GDA: variants seen among roughly 807,000 people sequenced by gnomAD.
GDA encodes guanine deaminase.
Under a neutral mutation model 59.6 loss-of-function variants are expected in GDA, and 18 were observed. That is an observed-to-expected ratio of 0.30 (90% CI 0.21 to 0.45). The LOEUF (loss-of-function observed/expected upper bound fraction) is 0.45, where lower values mean the gene tolerates loss of function less well. GDA is among the 20% of genes least tolerant of loss of function. GDA has a pLI of 1.00. For synonymous variants in GDA, 201 were observed against 201.1 expected (o/e 1.00, Z 0.00); for missense variants, 427 against 552.3 (o/e 0.77, Z 2.27).
chr9:72,161,833 A>G (rs1289482623), intron 1 of GDA, among the ~76,000 whole-genome samples: 1 of 152,226 alleles, frequency 6.6e-6, no homozygotes, highest in African/African-American at 2.4e-5. Context: ...TTAGCATTCA[A>G]TGCATGCTTT....
chr9:72,141,675 G>A (rs562729798), intron 1 of GDA, among the ~76,000 whole-genome samples: 225 of 152,176 alleles, frequency 1.5e-3, no homozygotes, highest in Middle Eastern at 3.4e-3. Context: ...TCAGCACCTC[G>A]GCTAGCATGC....
intron 12 of GDA, among the ~76,000 whole-genome samples, chr9:72,247,059 C>A (rs2131848431): frequency 6.6e-6 from 1 of 152,230 alleles, no homozygotes; most frequent in South Asian, 2.1e-4. Flanking sequence ...CAAAATAAGG[C>A]AGGTTGGATG....
intron 6 of GDA, among the ~76,000 whole-genome samples, chr9:72,222,752 A>G (rs553653981): frequency 4.0e-5 from 6 of 151,682 alleles, no homozygotes; most frequent in African/African-American, 1.4e-4. Context: ...TGTTGTCTAG[A>G]CTGGAGTGCA....
intron 10 of GDA, among the ~76,000 whole-genome samples, chr9:72,235,606 A>C (rs1245102769): frequency 6.6e-6 from 1 of 152,106 alleles, no homozygotes; most frequent in Non-Finnish European, 1.5e-5. Context: ...CTGAGGCAGT[A>C]GAATTGCTTG....
At position 72,192,392 on chromosome 9, in the gene GDA, C is replaced by T. The variant is rs181994119; in HGVS notation, c.124-3108C>T. Among the ~76,000 whole-genome samples the T allele has an allele frequency of 9.3e-5, 14 of 150,954 alleles. 1 individual carries two copies. Among genetic ancestry groups the T allele is most frequent in the African/African-American group, 3.4e-4 (14 of 41,200 alleles). ...GATTACAGGTGCCCACCACCACGCC[C>T]AGCTAATTTTTGTAGTTTTAGTAGA... On this transcript the variant is annotated intron_variant, in intron 1 of 13. Transcript: ENST00000358399.
upstream of GDA, among the ~76,000 whole-genome samples, chr9:72,147,835 C>T (rs1300991518): frequency 6.6e-6 from 1 of 152,094 alleles, no homozygotes; most frequent in Admixed American, 6.6e-5. Context: ...GTGCAGTTGG[C>T]AGAATCAGGA....
chr9:72,155,847 G>A (rs753477230), intron 1 of GDA, among the ~76,000 whole-genome samples: 15 of 152,158 alleles, frequency 9.9e-5, no homozygotes, highest in African/African-American at 2.7e-4. Context: ...TATTACCTAT[G>A]TGAATTTGAT....
At chr9:72,168,050 C>G (rs1377065675) in intron 1 of GDA, among the ~76,000 whole-genome samples, 1 of 152,058 alleles carries the variant, frequency 6.6e-6, no homozygotes, top group African/African-American at 2.4e-5. Flanking sequence ...ATAGAATGTG[C>G]TCAGCATATA....
At chr9:72,127,636 CA>C (rs369132489) in intron 1 of GDA, among the ~76,000 whole-genome samples, 72,508 of 120,744 alleles carry the variant, frequency 0.6, 18,997 homozygotes, top group Middle Eastern at 0.67. Flanking sequence ...GACTCTGTCT[CA>C]AAAAAAAAAA....
downstream of GDA, among the ~76,000 whole-genome samples, chr9:72,255,519 C>T (rs560460439): frequency 2.2e-4 from 33 of 152,296 alleles, no homozygotes; most frequent in African/African-American, 7.9e-4. Flanking sequence ...TGCCTGTCTC[C>T]TACCTCAAAA....
chr9:72,230,623 A>C (rs959528304), intron 9 of GDA, among the ~76,000 whole-genome samples: 6 of 152,062 alleles, frequency 3.9e-5, no homozygotes, highest in Admixed American at 3.9e-4. Context: ...TTGAACAGTC[A>C]GGTCCTGACT....
Position 72,142,837 on chromosome 9 carries a change from T to C in GDA, c.-100+28004T>C, listed in dbSNP as rs993234882. Among the ~76,000 whole-genome samples, 103 of 145,206 alleles carry C rather than the reference T, an allele frequency of 7.1e-4. No individual in the cohort carries two copies. The Middle Eastern group carries it at 0.013, about 18-fold the overall frequency. ...AGGCTGGAGTGCAATGGCGCGATCT[T>C]GGCTCACTGCAACCTCTGCCTCCTG... On this transcript the variant is annotated intron_variant, in intron 1 of 13. Coordinates refer to the GDA transcript ENST00000545168.
At chr9:72,193,179 CT>C (rs1270520286) in intron 1 of GDA, among the ~76,000 whole-genome samples, 2 of 151,254 alleles carry the variant, frequency 1.3e-5, no homozygotes, top group Non-Finnish European at 2.9e-5. Flanking sequence ...CCTGGAATGT[CT>C]TGATACTTGT....
chr9:72,153,693 A>G (rs139277006), intron 1 of GDA, among the ~76,000 whole-genome samples: 5,442 of 151,408 alleles, frequency 0.036, 344 homozygotes, highest in African/African-American at 0.13. Flanking sequence ...ACATGGATGA[A>G]ATTGGAAACT....
chr9:72,124,538 AG>A (rs1375256681), intron 1 of GDA, among the ~76,000 whole-genome samples: 11 of 152,190 alleles, frequency 7.2e-5, no homozygotes, highest in African/African-American at 2.7e-4. Flanking sequence ...TGTAGAAAAA[AG>A]GGCTTTAATT....
intron 1 of GDA, among the ~76,000 whole-genome samples, chr9:72,168,111 A>T (rs1829528573): frequency 1.3e-5 from 2 of 152,254 alleles, no homozygotes; most frequent in South Asian, 4.1e-4. Context: ...AAAGGAAAAG[A>T]TTGGGCAGGG....
chr9:72,250,773 C>T lies in GDA; in HGVS notation c.*2431C>T. 1.2e-6 allele frequency: 2 copies of T among 1,608,684 alleles called. No homozygotes were observed. The highest frequency in any genetic ancestry group is 1.7e-6 in the Non-Finnish European group (2 of 1,176,216). Reference sequence around the variant, plus strand: ...AGGAAAGAAACAATTCACTTACCAGCCTCCTCACCCCATCCTCCACCATTT... The same window carrying T: ...AGGAAAGAAACAATTCACTTACCAGTCTCCTCACCCCATCCTCCACCATTT... On this transcript the variant is annotated 3_prime_UTR_variant, in exon 14 of 14. Coordinates refer to ENST00000358399, the MANE Select transcript of GDA (RefSeq NM_004293.5).
chr9:72,213,038 A>T (rs1658130369), intron 4 of GDA, among the ~76,000 whole-genome samples: 1 of 152,188 alleles, frequency 6.6e-6, no homozygotes, highest in Non-Finnish European at 1.5e-5. Context: ...TGGGAGGCCC[A>T]GGCAGGCAGA....
At chr9:72,136,868 G>A (rs985303722) in intron 1 of GDA, among the ~76,000 whole-genome samples, 5 of 152,022 alleles carry the variant, frequency 3.3e-5, no homozygotes, top group African/African-American at 7.2e-5. Flanking sequence ...CCAGCTACCC[G>A]GGAGGCTGAG....
Sources: allele counts gnomAD v4.1 joint callset (sites outside exome capture counted in the v4.1 genomes callset), GRCh38; gene constraint gnomAD v4.1.1; transcripts MANE v1.5; gene names NCBI Gene and HGNC (gene_info 2026-07-23, HGNC 2026-07-21).